Variants in SPATA13 observed in about 807,000 individuals in gnomAD.
The protein encoded by SPATA13 is spermatogenesis associated 13.
A neutral mutation model predicts 104.0 loss-of-function variants in SPATA13; 50 were observed. The observed-to-expected ratio is 0.48, with a 90% CI of 0.38 to 0.61. SPATA13 has a LOEUF of 0.61. SPATA13 is among the 20% of genes least tolerant of loss of function. The probability of loss-of-function intolerance (pLI) is 0.00; values close to 1 mark genes in which losing one functional copy is unlikely to be tolerated. For synonymous variants in SPATA13, 606 were observed against 667.5 expected (o/e 0.91, Z 1.42); for missense variants, 1,524 against 1,690.6 (o/e 0.90, Z 1.73).
chr13:24,293,409 G>T (rs750947160), intron 9 of SPATA13, among the ~76,000 whole-genome samples: 15 of 152,132 alleles, frequency 9.9e-5, no homozygotes, highest in Non-Finnish European at 1.9e-4. Flanking sequence ...CTTGAAAGAC[G>T]TGGGCAGGCA....
intron 3 of SPATA13, among the ~76,000 whole-genome samples, chr13:24,019,234 G>A (rs1055019089): frequency 2.0e-5 from 3 of 150,168 alleles, no homozygotes; most frequent in Non-Finnish European, 4.5e-5. Flanking sequence ...GACTACAGGC[G>A]CCCGCCACTA....
intron 1 of SPATA13, among the ~76,000 whole-genome samples, chr13:24,177,244 T>G (rs1868490205): frequency 6.6e-6 from 1 of 152,216 alleles, no homozygotes; most frequent in African/African-American, 2.4e-5. Context: ...TTAATAGATA[T>G]GTGAAAAAAA....
intron 8 of SPATA13, among the ~76,000 whole-genome samples, chr13:24,289,999 G>A (rs936485665): frequency 1.1e-4 from 16 of 152,190 alleles, no homozygotes; most frequent in African/African-American, 3.9e-4. Flanking sequence ...CCCCATGTGT[G>A]ACGTGGGCAT....
intron 2 of SPATA13, among the ~76,000 whole-genome samples, chr13:24,230,345 G>A (rs971048226): frequency 6.6e-6 from 1 of 152,184 alleles, no homozygotes; most frequent in African/African-American, 2.4e-5. Context: ...AGTGGTAAGG[G>A]CTCCTCATGA....
At chr13:24,094,064 T>C in intron 3 of SPATA13, among the ~76,000 whole-genome samples, 1 of 152,212 alleles carries the variant, frequency 6.6e-6, no homozygotes, top group Non-Finnish European at 1.5e-5. Context: ...TATACCGGAA[T>C]GTCCTGAACA....
intron 3 of SPATA13, among the ~76,000 whole-genome samples, chr13:24,153,836 A>G (rs1882176761): frequency 6.6e-6 from 1 of 152,184 alleles, no homozygotes; most frequent in Non-Finnish European, 1.5e-5. Context: ...GGAGTTTGGA[A>G]TTCATCCCTT....
chr13:24,115,477 C>T (rs369701127), intron 3 of SPATA13, among the ~76,000 whole-genome samples: 6 of 152,226 alleles, frequency 3.9e-5, no homozygotes, highest in Admixed American at 1.3e-4. Context: ...TATTGCAAAC[C>T]GCGCATGCGA....
At chr13:24,237,672 A>G (rs1275350115) in intron 2 of SPATA13, among the ~76,000 whole-genome samples, 1 of 152,080 alleles carries the variant, frequency 6.6e-6, no homozygotes, top group Admixed American at 6.5e-5. Context: ...CCTAAAAATA[A>G]TTAAAATGGA....
rs1431952386 is a variant in SPATA13, at chr13:24,265,642, G to A, written c.2164+13780G>A. On this transcript the variant is annotated intron_variant, in intron 4 of 12. Coordinates refer to ENST00000382108, the MANE Select transcript of SPATA13 (RefSeq NM_001166271.3). ...TTGGGATTATGGGTCATTCCAGCCC[G>A]TGGCAGCCTTGGTTCTTGGCTGATG... Among the ~76,000 whole-genome samples, 3 of 152,076 alleles carry A rather than the reference G, an allele frequency of 2.0e-5. No individual in the cohort carries two copies. The East Asian group carries it at 5.8e-4, about 29-fold the overall frequency.
chr13:24,072,242 A>G (rs935428427), intron 3 of SPATA13, among the ~76,000 whole-genome samples: 8 of 152,222 alleles, frequency 5.3e-5, no homozygotes, highest in African/African-American at 1.9e-4. Context: ...ATTAATTTTT[A>G]AAAGCCCTCA....
rs9511156 is a variant in SPATA13, at chr13:24,223,648, G to A, written c.719G>A (p.Arg240Lys). 116,274 of 1,552,072 alleles carry A rather than the reference G, an allele frequency of 0.075. 5,113 individuals carry two copies. Among genetic ancestry groups the A allele is most frequent in the Non-Finnish European group, 0.088 (100,824 of 1,147,092 alleles). Reference sequence around the variant, plus strand: ...CCCGCCGTGTGTGAGATTCTCGTGAGGGACCCTGAAAACAACAGCATGGGC... The same window carrying A: ...CCCGCCGTGTGTGAGATTCTCGTGAAGGACCCTGAAAACAACAGCATGGGC... ...QVPAVCEILV[R>K]DPENNSMGYR... Residue 240 changes from arginine to lysine, a missense_variant, in exon 2 of 13, where the codon AGG (arginine) becomes AAG (lysine). By Grantham distance (26) the Arg-to-Lys change is conservative. This residue lies in a region of SPATA13 where 1,089 missense variants were observed against 1,135.9 expected (regional missense o/e 0.96). Transcript: ENST00000382108.
At chr13:24,000,221 T>C (rs951824295) in intron 2 of SPATA13, among the ~76,000 whole-genome samples, 15 of 152,354 alleles carry the variant, frequency 9.8e-5, no homozygotes, top group African/African-American at 3.6e-4. Flanking sequence ...AACAGAGGGC[T>C]TGACCTGGCC....
chr13:24,146,888 C>T (rs1261195342), intron 3 of SPATA13, among the ~76,000 whole-genome samples: 1 of 105,666 alleles, frequency 9.5e-6, no homozygotes, highest in African/African-American at 3.6e-5. Context: ...CAATTTTGAA[C>T]ATTTTACAAG....
At chr13:24,030,682 C>A (rs865850470) in intron 3 of SPATA13, among the ~76,000 whole-genome samples, 50 of 152,116 alleles carry the variant, frequency 3.3e-4, no homozygotes, top group African/African-American at 1.1e-3. Context: ...TTCCTGATTT[C>A]AGGGGAATTC....
At chr13:24,208,399 G>A (rs374981631) in intron 1 of SPATA13, among the ~76,000 whole-genome samples, 1 of 152,354 alleles carries the variant, frequency 6.6e-6, no homozygotes, top group East Asian at 1.9e-4. Flanking sequence ...GATTGTGCCT[G>A]AGGAATATTG....
chr13:24,098,607 AAG>A (rs1414513811), intron 3 of SPATA13, among the ~76,000 whole-genome samples: 2 of 58,366 alleles, frequency 3.4e-5, no homozygotes, highest in South Asian at 8.5e-4. Context: ...AAAAAAAAAA[AAG>A]AAGAAGAAGA....
At chr13:24,115,981 A>C (rs1409023) in intron 3 of SPATA13, among the ~76,000 whole-genome samples, 74,285 of 151,616 alleles carry the variant, frequency 0.49, 19,357 homozygotes, top group East Asian at 0.61. Context: ...AGAGCCACAG[A>C]ACCTTATGAT....
chr13:24,244,249 G>A (rs1041915476), intron 2 of SPATA13, among the ~76,000 whole-genome samples: 2 of 152,278 alleles, frequency 1.3e-5, no homozygotes, highest in East Asian at 3.9e-4. Flanking sequence ...CCTAACCCAG[G>A]TTGACCTCAT....
chr13:24,135,585 C>G (rs1026674530), intron 3 of SPATA13, among the ~76,000 whole-genome samples: 6 of 151,196 alleles, frequency 4.0e-5, no homozygotes, highest in Non-Finnish European at 4.4e-5. Context: ...GTAGTCCCAG[C>G]TACTCGGGAG....
Sources: allele counts gnomAD v4.1 joint callset (sites outside exome capture counted in the v4.1 genomes callset), GRCh38; gene constraint gnomAD v4.1.1; regional missense constraint gnomAD v4.1.1; transcripts MANE v1.5; gene names NCBI Gene and HGNC (gene_info 2026-07-23, HGNC 2026-07-21).